The following FCHSD2 variants were observed in gnomAD, a reference collection of about 807,000 sequenced individuals.
FCHSD2 encodes the protein F-BAR and double SH3 domains protein 2.
In FCHSD2, 38 loss-of-function variants were observed where a neutral mutation model predicts 108.1. The observed-to-expected ratio is 0.35, with a 90% CI of 0.27 to 0.46. The LOEUF (loss-of-function observed/expected upper bound fraction) is 0.46. FCHSD2 is among the 20% of genes least tolerant of loss of function. The pLI is 1.00. For synonymous variants in FCHSD2, 279 were observed against 314.7 expected, an observed-to-expected ratio of 0.89 and a Z score of 1.20; for missense variants, 751 against 897.8, an observed-to-expected ratio of 0.84 and a Z score of 2.09.
chr11:72,854,057 T>A (rs1861361054), intron 13 of FCHSD2, among the ~76,000 whole-genome samples: 1 of 152,170 alleles, frequency 6.6e-6, no homozygotes, highest in Non-Finnish European at 1.5e-5. Flanking sequence ...TTATATATAT[T>A]TTTAAAAACC....
intron 9 of FCHSD2, among the ~76,000 whole-genome samples, chr11:72,914,409 A>T (rs867437958): frequency 2.0e-5 from 3 of 152,184 alleles, no homozygotes; most frequent in Middle Eastern, 3.2e-3. Context: ...ATTCATATGA[A>T]ACCAAAAGAT....
Position 72,837,492 on chromosome 11 carries a change from G to A in FCHSD2, c.*1299C>T, listed in dbSNP as rs1029649350. 2 of 150,794 alleles carry A rather than the reference G, an allele frequency of 1.3e-5. No homozygotes were observed. The highest frequency in any genetic ancestry group is 2.1e-4 in the South Asian group (1 of 4,764). The allele number at this position is 150,794 out of a possible 1,614,324, so 9.3% of individuals were successfully genotyped here. A position where few individuals can be genotyped will look rare whatever the true frequency, so the allele number is the denominator to read the frequency against. Reference sequence around the variant, plus strand: ...AAAAAAAAAAAAACAAACCACAACCGGCGAACATCCCTTAGTCCCTAGGTA... The same window carrying A: ...AAAAAAAAAAAAACAAACCACAACCAGCGAACATCCCTTAGTCCCTAGGTA... On this transcript the variant is annotated 3_prime_UTR_variant, in exon 20 of 20. Transcript: ENST00000409418.
chr11:72,986,432 A>G (rs1857313535), intron 6 of FCHSD2, among the ~76,000 whole-genome samples: 1 of 152,156 alleles, frequency 6.6e-6, no homozygotes, highest in Admixed American at 6.5e-5. Flanking sequence ...GATGGTCTCA[A>G]TCTCCTGACC....
chr11:72,994,658 C>T (rs190090868), intron 5 of FCHSD2, among the ~76,000 whole-genome samples: 56 of 151,858 alleles, frequency 3.7e-4, no homozygotes, highest in East Asian at 3.7e-3. Context: ...CCCAGCTACT[C>T]GGGAGGCTGA....
intron 2 of FCHSD2, among the ~76,000 whole-genome samples, chr11:73,136,319 A>C (rs1861119340): frequency 6.6e-6 from 1 of 152,148 alleles, no homozygotes; most frequent in Admixed American, 6.5e-5. Context: ...CAAGCTGGGC[A>C]CAGTGGCCTG....
intron 2 of FCHSD2, among the ~76,000 whole-genome samples, chr11:73,123,454 T>C (rs950532970): frequency 1.3e-5 from 2 of 152,218 alleles, no homozygotes; most frequent in African/African-American, 4.8e-5. Context: ...TTTTTATATA[T>C]GCGCAGGCCT....
intron 3 of FCHSD2, among the ~76,000 whole-genome samples, chr11:73,038,701 G>T (rs1175047839): frequency 6.6e-6 from 1 of 152,178 alleles, no homozygotes; most frequent in African/African-American, 2.4e-5. Flanking sequence ...TCCAAGAGCA[G>T]GGAGTGAGGC....
chr11:73,128,461 T>C (rs1236496555), intron 2 of FCHSD2, among the ~76,000 whole-genome samples: 1 of 152,084 alleles, frequency 6.6e-6, no homozygotes, highest in Admixed American at 6.6e-5. Flanking sequence ...CAGCTAGGCA[T>C]GTTCAAGCAT....
chr11:72,850,990 T>TGC (rs992465954), intron 13 of FCHSD2, among the ~76,000 whole-genome samples: 4 of 148,838 alleles, frequency 2.7e-5, no homozygotes, highest in Non-Finnish European at 4.4e-5. Flanking sequence ...TCCCAGCTAC[T>TGC]GCGAAGGCTG....
At chr11:72,887,977 A>C (rs1003566675) in intron 11 of FCHSD2, among the ~76,000 whole-genome samples, 2 of 152,256 alleles carry the variant, frequency 1.3e-5, no homozygotes, top group Non-Finnish European at 2.9e-5. Flanking sequence ...AGTGAAAAGA[A>C]GATGTCAAAA....
rs1234492238 is a variant in FCHSD2 at position 73,015,874 on chromosome 11, C to T, written c.177G>A (p.Lys59=). 1 of 1,589,690 alleles carries T rather than the reference C, an allele frequency of 6.3e-7. No individual in the cohort carries two copies. Among genetic ancestry groups the T allele is most frequent in the Non-Finnish European group, 8.6e-7 (1 of 1,161,508 alleles). Reference sequence around the variant, plus strand: ...CTCTCTTCAGGTATTGACTAGCCAACTTCTGCATACCCTGTTAAAAAATAC... The same window carrying T: ...CTCTCTTCAGGTATTGACTAGCCAATTTCTGCATACCCTGTTAAAAAATAC... ...IEREYAQGMQ[K]LASQYLKRDW... The change falls in exon 4 of 20, where the codon AAG becomes AAA. Residue 59 remains lysine (K), a synonymous_variant. Transcript: ENST00000409418.
chr11:73,113,544 T>C (rs960158564), intron 2 of FCHSD2, among the ~76,000 whole-genome samples: 7 of 151,994 alleles, frequency 4.6e-5, no homozygotes, highest in African/African-American at 1.7e-4. Flanking sequence ...AGTTTCTCTA[T>C]TTTTAGTAGA....
At chr11:72,913,130 G>A (rs571638384) in intron 9 of FCHSD2, among the ~76,000 whole-genome samples, 1 of 152,158 alleles carries the variant, frequency 6.6e-6, no homozygotes, top group African/African-American at 2.4e-5. Context: ...GAACAGCAAG[G>A]GGGAACTCCA....
At chr11:73,025,709 A>G (rs1252566974) in intron 3 of FCHSD2, among the ~76,000 whole-genome samples, 2 of 152,188 alleles carry the variant, frequency 1.3e-5, no homozygotes, top group Non-Finnish European at 2.9e-5. Context: ...ATTAGTTTGT[A>G]GAATTATAAT....
At chr11:73,108,125 C>G (rs1860389514) in intron 2 of FCHSD2, among the ~76,000 whole-genome samples, 1 of 152,178 alleles carries the variant, frequency 6.6e-6, no homozygotes, top group Non-Finnish European at 1.5e-5. Flanking sequence ...GGGGTAATAT[C>G]TCATTGTAGT....
At chr11:73,019,650 G>T (rs1019344500) in intron 3 of FCHSD2, among the ~76,000 whole-genome samples, 4 of 152,096 alleles carry the variant, frequency 2.6e-5, no homozygotes, top group Admixed American at 1.3e-4. Flanking sequence ...ACAGAGGCAG[G>T]AATCATGACT....
intron 12 of FCHSD2, among the ~76,000 whole-genome samples, chr11:72,877,998 A>C (rs1390562162): frequency 6.6e-6 from 1 of 152,236 alleles, no homozygotes; most frequent in Non-Finnish European, 1.5e-5. Flanking sequence ...GTCTCAAAAA[A>C]AATTTTTTTA....
At chr11:73,035,806 T>C (rs1565378650) in intron 3 of FCHSD2, among the ~76,000 whole-genome samples, 4 of 151,792 alleles carry the variant, frequency 2.6e-5, no homozygotes. Flanking sequence ...CTGCAACCTC[T>C]GCCTCCCAGA....
chr11:72,840,795 G>A, intron 19 of FCHSD2, 82 bp downstream of exon 19: 1 of 1,027,244 alleles, frequency 9.7e-7, no homozygotes, highest in South Asian at 1.3e-5. Flanking sequence ...TAACAACACA[G>A]GGGCCACGGG....
Sources: allele counts gnomAD v4.1 joint callset (sites outside exome capture counted in the v4.1 genomes callset), GRCh38; gene constraint gnomAD v4.1.1; transcripts MANE v1.5; gene names NCBI Gene and HGNC (gene_info 2026-07-23, HGNC 2026-07-21).